FHIT: variants seen among roughly 807,000 people sequenced by gnomAD.
FHIT encodes the protein bis(5'-adenosyl)-triphosphatase.
FHIT carries 19 observed loss-of-function variants against 17.9 expected under a neutral mutation model. The observed-to-expected ratio is 1.06, with a 90% CI of 0.74 to 1.56. The LOEUF (loss-of-function observed/expected upper bound fraction) is 1.56. FHIT is among the 40% of genes most tolerant of loss of function. The pLI, the probability that FHIT is intolerant of heterozygous loss-of-function variation, is 0.00. For missense variants in FHIT, 248 were observed against 189.2 expected (o/e 1.31, Z -1.82); for synonymous variants, 81 against 69.7 (o/e 1.16, Z -0.81).
intron 4 of FHIT, among the ~76,000 whole-genome samples, chr3:60,665,427 A>G (rs1419811831): frequency 5.9e-5 from 9 of 151,850 alleles, no homozygotes; most frequent in Non-Finnish European, 1.0e-4. Flanking sequence ...CAGTTCTATC[A>G]GTTTTTGCTT....
chr3:61,161,894 A>T (rs1273095326), intron 2 of FHIT, among the ~76,000 whole-genome samples: 1 of 152,228 alleles, frequency 6.6e-6, no homozygotes, highest in African/African-American at 2.4e-5. Flanking sequence ...TCCTTGTACA[A>T]TACGACCCTG....
chr3:60,100,709 T>C (rs143110338), intron 5 of FHIT, among the ~76,000 whole-genome samples: 23 of 152,100 alleles, frequency 1.5e-4, no homozygotes, highest in Non-Finnish European at 3.1e-4. Context: ...CCAGAGTGAA[T>C]TTATTTCTAT....
At chr3:60,244,118 C>A (rs112818764) in intron 5 of FHIT, among the ~76,000 whole-genome samples, 1 of 152,010 alleles carries the variant, frequency 6.6e-6, no homozygotes, top group African/African-American at 2.4e-5. Flanking sequence ...CTTTTCTGAT[C>A]ACAGCAATTC....
At chr3:61,036,481 T>C (rs2033246651) in intron 3 of FHIT, among the ~76,000 whole-genome samples, 3 of 152,316 alleles carry the variant, frequency 2.0e-5, no homozygotes, top group Admixed American at 6.5e-5. Flanking sequence ...CCTCTTATCA[T>C]TGAAGGGGCT....
chr3:60,279,854 A>T (rs1238606281), intron 5 of FHIT, among the ~76,000 whole-genome samples: 1 of 151,942 alleles, frequency 6.6e-6, no homozygotes, highest in Non-Finnish European at 1.5e-5. Flanking sequence ...ACACAGTGAA[A>T]CCCCGTCTCT....
At chr3:60,599,829 T>A (rs1366432425) in intron 4 of FHIT, among the ~76,000 whole-genome samples, 1 of 152,096 alleles carries the variant, frequency 6.6e-6, no homozygotes, top group Non-Finnish European at 1.5e-5. Context: ...TAAACTCCCT[T>A]TCTTTAGGGC....
At chr3:60,014,236 T>C in intron 5 of FHIT, 84 bp from the exon 6 acceptor site, 1 of 1,406,882 alleles carries the variant, frequency 7.1e-7, no homozygotes, top group South Asian at 1.3e-5. Context: ...GATTGAATCC[T>C]CTCGGACCAG....
rs575849697 is a variant in FHIT, at chr3:61,021,457, G to A, written c.-111+20590C>T. 1.4e-4 allele frequency among the ~76,000 whole-genome samples: 20 copies of A among 142,578 alleles called. No homozygotes were observed. The East Asian group carries it at 4.3e-3, about 30-fold the overall frequency. 93.5% of individuals were successfully genotyped at this position (142,578 alleles called of 152,430 possible). ...TACTAAAAATACAAAAAATTAGCCG[G>A]GCGTAGCGGCGGGCGCCTGTAGTCC... On this transcript the variant is annotated intron_variant, in intron 3 of 9. Transcript: ENST00000492590.
chr3:59,831,703 T>C (rs1701170440), intron 8 of FHIT, among the ~76,000 whole-genome samples: 1 of 152,062 alleles, frequency 6.6e-6, no homozygotes, highest in Non-Finnish European at 1.5e-5. Context: ...CCCTGCCTCC[T>C]GAATGAGATG....
chr3:61,009,591 G>A (rs549670798), intron 3 of FHIT, among the ~76,000 whole-genome samples: 168 of 152,226 alleles, frequency 1.1e-3, no homozygotes, highest in African/African-American at 3.9e-3. Flanking sequence ...CTGCCCCACT[G>A]CTCCCAAATC....
chr3:60,423,581 T>C (rs1702555935), intron 5 of FHIT, among the ~76,000 whole-genome samples: 1 of 152,216 alleles, frequency 6.6e-6, no homozygotes, highest in Admixed American at 6.5e-5. Flanking sequence ...ATGTTTCCCC[T>C]AATAATTCTT....
intron 3 of FHIT, among the ~76,000 whole-genome samples, chr3:61,022,250 T>C (rs1036474042): frequency 1.3e-5 from 2 of 151,932 alleles, no homozygotes; most frequent in African/African-American, 4.8e-5. Flanking sequence ...ATAGAAGAAA[T>C]GGATAAATTC....
chr3:60,807,045 C>T (rs1247683776), intron 4 of FHIT, among the ~76,000 whole-genome samples: 5 of 152,194 alleles, frequency 3.3e-5, no homozygotes, highest in African/African-American at 1.2e-4. Flanking sequence ...CTTCCATTCT[C>T]CAGTCAATCA....
chr3:61,198,901 T>C (rs1483884542), intron 2 of FHIT, among the ~76,000 whole-genome samples: 1 of 2,020 alleles, frequency 5.0e-4, no homozygotes, highest in Non-Finnish European at 1.4e-3. Flanking sequence ...CCGCCGATGA[T>C]GATGATGATG....
chr3:60,722,684 G>A (rs1031072173), intron 4 of FHIT, among the ~76,000 whole-genome samples: 286 of 148,770 alleles, frequency 1.9e-3, no homozygotes, highest in Non-Finnish European at 3.7e-3. Context: ...AAATCATACT[G>A]GTTGAAAACT....
intron 3 of FHIT, among the ~76,000 whole-genome samples, chr3:61,035,256 T>C (rs945330288): frequency 1.3e-5 from 2 of 152,206 alleles, no homozygotes; most frequent in Non-Finnish European, 2.9e-5. Context: ...CGCCACTGGA[T>C]TGCTCACTTT....
intron 5 of FHIT, among the ~76,000 whole-genome samples, chr3:60,311,250 CGTGTGT>C (rs10621849): frequency 2.7e-5 from 4 of 150,826 alleles, no homozygotes; most frequent in Admixed American, 6.6e-5. Flanking sequence ...TCTACCCCAA[CGTGTGT>C]GTGTGTGTGT....
At position 60,708,365 on chromosome 3, in the gene FHIT, C is replaced by A. The variant is rs142160018; in HGVS notation, c.-18+113554G>T. ...AATCAGCTCCTACCAAAAGCACATTCATTTCAAGTAATGCCAGCAACCTGC... is the reference window on the plus strand; with the variant it reads ...AATCAGCTCCTACCAAAAGCACATTAATTTCAAGTAATGCCAGCAACCTGC... On this transcript the variant is annotated intron_variant, in intron 4 of 9. Transcript: ENST00000492590. 7.2e-5 allele frequency among the ~76,000 whole-genome samples: 11 copies of A among 152,290 alleles called. No individual in the cohort carries two copies. In the East Asian group the frequency reaches 2.1e-3, roughly 29 times the overall value.
At chr3:59,929,360 TTG>T (rs1491044384) in intron 7 of FHIT, among the ~76,000 whole-genome samples, 1 of 139,170 alleles carries the variant, frequency 7.2e-6, no homozygotes, top group Non-Finnish European at 1.6e-5. Context: ...TATTGTTTTT[TTG>T]GTTTTTTTTT....
Sources: allele counts gnomAD v4.1 joint callset (sites outside exome capture counted in the v4.1 genomes callset), GRCh38; gene constraint gnomAD v4.1.1; transcripts MANE v1.5; gene names NCBI Gene and HGNC (gene_info 2026-07-23, HGNC 2026-07-21).